TNNI3K: variants seen among roughly 807,000 people sequenced by gnomAD.
TNNI3K encodes the protein serine/threonine-protein kinase TNNI3K.
In TNNI3K, 140 loss-of-function variants were observed where a neutral mutation model predicts 114.5. The ratio of observed to expected loss-of-function variants is 1.22; its 90% CI spans 1.07 to 1.41. TNNI3K has a LOEUF of 1.41. TNNI3K is among the 40% of genes most tolerant of loss of function. TNNI3K has a pLI of 0.00. For synonymous variants in TNNI3K, 347 were observed against 347.5 expected, an observed-to-expected ratio of 1.00 and a Z score of 0.02; for missense variants, 1,125 against 1,007.6, an observed-to-expected ratio of 1.12 and a Z score of -1.58.
chr1:74,350,444 G>A (rs1557513574), intron 9 of TNNI3K, among the ~76,000 whole-genome samples: 1 of 152,178 alleles, frequency 6.6e-6, no homozygotes, highest in African/African-American at 2.4e-5. Flanking sequence ...TGTATATTCT[G>A]TTGATTTGGG....
chr1:74,367,411 T>A, intron 12 of TNNI3K, 69 bp downstream of exon 12: 14 of 1,542,994 alleles, frequency 9.1e-6, no homozygotes, highest in Non-Finnish European at 8.0e-6. Flanking sequence ...CCTGTGTTTC[T>A]GTTACTATCA....
At chr1:74,502,821 G>T (rs1242873709) in intron 23 of TNNI3K, among the ~76,000 whole-genome samples, 1 of 152,116 alleles carries the variant, frequency 6.6e-6, no homozygotes, top group Non-Finnish European at 1.5e-5. Flanking sequence ...CACAGCTGCT[G>T]CCTCGTTCAC....
At chr1:74,417,802 T>C (rs1375927504) in intron 17 of TNNI3K, among the ~76,000 whole-genome samples, 1 of 151,266 alleles carries the variant, frequency 6.6e-6, no homozygotes, top group Admixed American at 6.6e-5. Context: ...CTCAAAATAT[T>C]AATAATTGAT....
chr1:74,386,397 C>T (rs1663481921), intron 17 of TNNI3K, among the ~76,000 whole-genome samples: 1 of 151,768 alleles, frequency 6.6e-6, no homozygotes, highest in African/African-American at 2.4e-5. Context: ...ATATGCAACA[C>T]TGAAATGTGG....
At chr1:74,437,056 A>G (rs1479579437) in intron 19 of TNNI3K, among the ~76,000 whole-genome samples, 1 of 151,914 alleles carries the variant, frequency 6.6e-6, no homozygotes, top group African/African-American at 2.4e-5. Context: ...CACTCTCCCC[A>G]ATCCCTCCCC....
intron 5 of TNNI3K, among the ~76,000 whole-genome samples, chr1:74,274,952 A>G (rs1335592064): frequency 6.6e-6 from 1 of 152,112 alleles, no homozygotes; most frequent in Admixed American, 6.6e-5. Context: ...GAATGGTCGT[A>G]TGGGTACTCA....
intron 23 of TNNI3K, among the ~76,000 whole-genome samples, chr1:74,508,028 A>C (rs766503916): frequency 6.6e-6 from 1 of 152,198 alleles, no homozygotes; most frequent in African/African-American, 2.4e-5. Context: ...ATGTATTATA[A>C]TGCAATGTGA....
At position 74,343,114 on chromosome 1, in the gene TNNI3K, C is replaced by T. The variant is rs1660831326; in HGVS notation, c.867C>T (p.Ile289=). 1.2e-6 allele frequency: 2 copies of T among 1,613,358 alleles called. No individual in the cohort carries two copies. The highest frequency in any genetic ancestry group is 1.7e-6 in the Non-Finnish European group (2 of 1,179,798). ...YNGKFEVAKE[I]IQISGTESLT... ...GCAAATTTGAAGTTGCCAAGGAAAT[C>T]ATCCAAATATCAGGAACAGAAAGTC... The change falls in exon 9 of 25, where the codon ATC becomes ATT. Residue 289 remains isoleucine (I), a synonymous_variant. Coordinates refer to ENST00000326637, the MANE Select transcript of TNNI3K (RefSeq NM_015978.3).
At chr1:74,478,800 A>G (rs1249297464) in intron 21 of TNNI3K, among the ~76,000 whole-genome samples, 2 of 152,236 alleles carry the variant, frequency 1.3e-5, no homozygotes, top group African/African-American at 2.4e-5. Context: ...CACCAGTGCT[A>G]GTATTCTAAG....
At chr1:74,268,084 T>C (rs1656113325) in intron 4 of TNNI3K, among the ~76,000 whole-genome samples, 1 of 152,024 alleles carries the variant, frequency 6.6e-6, no homozygotes, top group African/African-American at 2.4e-5. Flanking sequence ...GTTATTTATG[T>C]ATTAAATATG....
chr1:74,442,246 T>A (rs1666406566), intron 20 of TNNI3K, among the ~76,000 whole-genome samples: 1 of 152,054 alleles, frequency 6.6e-6, no homozygotes, highest in South Asian at 2.1e-4. Context: ...ATTAAATTAT[T>A]TTGGTACATT....
intron 5 of TNNI3K, among the ~76,000 whole-genome samples, chr1:74,275,679 C>T (rs1160863348): frequency 2.0e-5 from 3 of 152,046 alleles, no homozygotes; most frequent in Non-Finnish European, 4.4e-5. Context: ...AAAATGATAA[C>T]ATGAAACAAA....
chr1:74,307,794 C>G (rs771692038), intron 5 of TNNI3K, among the ~76,000 whole-genome samples: 1 of 152,068 alleles, frequency 6.6e-6, no homozygotes, highest in Non-Finnish European at 1.5e-5. Context: ...GAAACCCAGT[C>G]TCTACTAAAA....
chr1:74,539,166 T>C (rs1646696268), intron 23 of TNNI3K, among the ~76,000 whole-genome samples: 1 of 152,124 alleles, frequency 6.6e-6, no homozygotes, highest in Non-Finnish European at 1.5e-5. Flanking sequence ...TAGTTTAGGA[T>C]TATATTTTGG....
At chr1:74,249,960 G>A (rs937983977) in intron 3 of TNNI3K, among the ~76,000 whole-genome samples, 50 of 152,254 alleles carry the variant, frequency 3.3e-4, no homozygotes, top group African/African-American at 9.9e-4. Context: ...AAGATTGATC[G>A]AAGTGAAGAT....
At chr1:74,514,645 G>A (rs973785063) in intron 23 of TNNI3K, among the ~76,000 whole-genome samples, 2 of 152,090 alleles carry the variant, frequency 1.3e-5, no homozygotes, top group Non-Finnish European at 2.9e-5. Context: ...TAGTAAGGGG[G>A]GAAGCTGGGA....
At chr1:74,354,570 C>A (rs1335656875) in intron 11 of TNNI3K, among the ~76,000 whole-genome samples, 1 of 151,902 alleles carries the variant, frequency 6.6e-6, no homozygotes, top group Non-Finnish European at 1.5e-5. Flanking sequence ...TGTGAGGGAC[C>A]CAAGTGTAAA....
chr1:74,332,584 G>T (rs1660262533), intron 6 of TNNI3K, among the ~76,000 whole-genome samples: 1 of 152,110 alleles, frequency 6.6e-6, no homozygotes, highest in Non-Finnish European at 1.5e-5. Context: ...ACAGGTGTGA[G>T]CCACCATGCC....
rs755880566 is a variant in TNNI3K at position 74,395,043 on chromosome 1, CA to C, written c.1772+24665del. On this transcript the variant is annotated intron_variant, in intron 17 of 24. Transcript: ENST00000326637. ...TGGGCGACAGAGCAAGACTCCATCT[CA>C]AAAAAAAAAAAAAGAGAAAACACTT... 3.2e-3 allele frequency among the ~76,000 whole-genome samples: 405 copies of C among 126,070 alleles called. 1 individual carries two copies. Among genetic ancestry groups the C allele is most frequent in the Middle Eastern group, 4.4e-3 (1 of 228 alleles). 82.7% of individuals were successfully genotyped at this position (126,070 alleles called of 152,430 possible).
Sources: gnomAD v4.1 joint callset for allele counts (sites outside exome capture counted in the v4.1 genomes callset) on GRCh38, gnomAD v4.1.1 for gene constraint, MANE v1.5 for transcripts, NCBI Gene and HGNC (gene_info 2026-07-23, HGNC 2026-07-21) for gene names.